Variants in PTPRT observed in about 807,000 individuals in gnomAD.
PTPRT encodes the protein receptor-type tyrosine-protein phosphatase T.
Under a neutral mutation model 176.8 loss-of-function variants are expected in PTPRT, and 56 were observed. The ratio of observed to expected loss-of-function variants is 0.32; its 90% CI spans 0.26 to 0.40. The LOEUF is 0.40. Ranked by LOEUF, PTPRT falls within the 10% of genes least tolerant of loss-of-function variation. The probability of loss-of-function intolerance (pLI) is 1.00; values close to 1 mark genes in which losing one functional copy is unlikely to be tolerated. For missense variants in PTPRT, 1,540 were observed against 1,908.2 expected (o/e 0.81, Z 3.60); for synonymous variants, 783 against 739.0 (o/e 1.06, Z -0.96).
chr20:42,263,440 G>A (rs2146971341), intron 13 of PTPRT, among the ~76,000 whole-genome samples: 1 of 141,880 alleles, frequency 7.0e-6, no homozygotes, highest in African/African-American at 2.7e-5. Context: ...CAGTGCAGTG[G>A]CATGATCTCG....
At chr20:42,330,283 C>A (rs181136906) in intron 11 of PTPRT, among the ~76,000 whole-genome samples, 1 of 151,988 alleles carries the variant, frequency 6.6e-6, no homozygotes, top group African/African-American at 2.4e-5. Context: ...CTAGCCTCGC[C>A]AACATCGTGA....
At chr20:42,801,142 G>A (rs958661398) in intron 2 of PTPRT, among the ~76,000 whole-genome samples, 5 of 152,260 alleles carry the variant, frequency 3.3e-5, no homozygotes, top group Admixed American at 6.5e-5. Context: ...GCCTGCCCTG[G>A]GGATACTAGG....
chr20:42,112,399 A>T (rs1163580176), intron 22 of PTPRT, among the ~76,000 whole-genome samples: 8 of 152,172 alleles, frequency 5.3e-5, no homozygotes. Flanking sequence ...TCCTTCAGTG[A>T]CTGACTGATA....
Position 42,741,448 on chromosome 20 carries a change from G to T in PTPRT, c.859+15014C>A, listed in dbSNP as rs185273562. 3.6e-3 allele frequency among the ~76,000 whole-genome samples: 541 copies of T among 152,046 alleles called. 4 individuals carry two copies. Among genetic ancestry groups the T allele is most frequent in the African/African-American group, 0.012 (517 of 41,482 alleles). On this transcript the variant is annotated intron_variant, in intron 6 of 30. Coordinates refer to ENST00000373187, the MANE Select transcript of PTPRT (RefSeq NM_007050.6). Reference sequence around the variant, plus strand: ...CAACCTCTGGCTCTTAGGTTCAAGCGATTCTCCTGCCTCAGTATCCCGAGT... The same window carrying T: ...CAACCTCTGGCTCTTAGGTTCAAGCTATTCTCCTGCCTCAGTATCCCGAGT...
chr20:42,184,595 C>T (rs56117054), intron 16 of PTPRT, among the ~76,000 whole-genome samples: 4,078 of 26,408 alleles, frequency 0.15, 103 homozygotes, highest in African/African-American at 0.24. Flanking sequence ...CTTCTTCTTC[C>T]TCTTCTTCTT....
In PTPRT at chr20:43,098,451, A is replaced by G. The variant is rs141268411; in HGVS notation, c.88+91195T>C. Among the ~76,000 whole-genome samples, 339 of 152,252 alleles carry G rather than the reference A, an allele frequency of 2.2e-3. 4 individuals are homozygous for G. Among genetic ancestry groups the G allele is most frequent in the African/African-American group, 7.7e-3 (319 of 41,536 alleles). On this transcript the variant is annotated intron_variant, in intron 1 of 30. Coordinates refer to ENST00000373187, the MANE Select transcript of PTPRT (RefSeq NM_007050.6). ...AACAGAGTACGTAGAATATTACCCA[A>G]TCCCCTAAGAGTGCCAGGTAACTAA...
chr20:42,501,079 C>G (rs1055371591), intron 7 of PTPRT, among the ~76,000 whole-genome samples: 7 of 152,138 alleles, frequency 4.6e-5, no homozygotes, highest in Non-Finnish European at 7.4e-5. Context: ...ATATTACCAG[C>G]CCTCAGAAGC....
chr20:42,759,262 T>C (rs893264907), intron 5 of PTPRT, among the ~76,000 whole-genome samples: 1 of 152,260 alleles, frequency 6.6e-6, no homozygotes, highest in African/African-American at 2.4e-5. Flanking sequence ...ATTTTTTCTT[T>C]ATTAAGCTAA....
At chr20:42,567,072 G>C (rs2145671648) in intron 7 of PTPRT, among the ~76,000 whole-genome samples, 1 of 152,208 alleles carries the variant, frequency 6.6e-6, no homozygotes, top group Admixed American at 6.5e-5. Context: ...AGGAGTTCGA[G>C]ACCAGCCTGG....
At chr20:42,769,237 T>A (rs1289064520) in intron 5 of PTPRT, among the ~76,000 whole-genome samples, 2 of 152,166 alleles carry the variant, frequency 1.3e-5, no homozygotes, top group East Asian at 3.8e-4. Context: ...GAACTGTTGG[T>A]CCCTAGATGG....
chr20:42,314,526 C>CAAAAAAAAAAAA (rs386393782), intron 12 of PTPRT, among the ~76,000 whole-genome samples: 2 of 102,306 alleles, frequency 2.0e-5, no homozygotes, highest in Non-Finnish European at 4.0e-5. Context: ...GAGACTGTGT[C>CAAAAAAAAAAAA]AAAAAAAAAA....
chr20:43,058,541 T>C (rs1047641880), intron 1 of PTPRT, among the ~76,000 whole-genome samples: 35 of 152,318 alleles, frequency 2.3e-4, no homozygotes, highest in East Asian at 7.7e-4. Flanking sequence ...CCCCACACCA[T>C]AGGCCCAGGC....
At chr20:42,932,302 C>A (rs1357679638) in intron 1 of PTPRT, among the ~76,000 whole-genome samples, 4 of 152,240 alleles carry the variant, frequency 2.6e-5, no homozygotes, top group African/African-American at 9.6e-5. Context: ...GACATCACTT[C>A]TCAAGGGGGC....
rs559372967 is a variant in PTPRT, at chr20:42,580,147, C to T, written c.1153+97719G>A. Reference sequence around the variant, plus strand: ...GGCTAGCCAGTTTTCCCAGCACCATCTATTAAATAGGGAATCCTTTCCCCA... The same window carrying T: ...GGCTAGCCAGTTTTCCCAGCACCATTTATTAAATAGGGAATCCTTTCCCCA... On this transcript the variant is annotated intron_variant, in intron 7 of 30. Coordinates refer to ENST00000373187, the MANE Select transcript of PTPRT (RefSeq NM_007050.6). Among the ~76,000 whole-genome samples, 64 of 152,164 alleles carry T rather than the reference C, an allele frequency of 4.2e-4. 1 individual carries two copies. The highest frequency in any genetic ancestry group is 1.7e-3 in the South Asian group (8 of 4,824).
intron 1 of PTPRT, among the ~76,000 whole-genome samples, chr20:42,948,380 C>T (rs1568695101): frequency 6.6e-6 from 1 of 152,162 alleles, no homozygotes; most frequent in Non-Finnish European, 1.5e-5. Flanking sequence ...TCCAGCCTGC[C>T]CCAGGTATGG....
chr20:42,884,034 G>A (rs1363520052), intron 2 of PTPRT, among the ~76,000 whole-genome samples: 1 of 151,932 alleles, frequency 6.6e-6, no homozygotes, highest in Non-Finnish European at 1.5e-5. Context: ...CTATCAAGGA[G>A]GGCCATGAAG....
At chr20:42,999,607 G>GT (rs758925660) in intron 1 of PTPRT, among the ~76,000 whole-genome samples, 106 of 139,414 alleles carry the variant, frequency 7.6e-4, no homozygotes, top group Non-Finnish European at 9.2e-4. Flanking sequence ...AAAACTTGTG[G>GT]TTTTTTTTTT....
intron 1 of PTPRT, among the ~76,000 whole-genome samples, chr20:42,936,446 C>T (rs1050460786): frequency 3.3e-5 from 5 of 152,136 alleles, no homozygotes; most frequent in Non-Finnish European, 7.3e-5. Context: ...GGGCATATCA[C>T]GGAAAGCCTC....
intron 17 of PTPRT, among the ~76,000 whole-genome samples, chr20:42,157,623 T>TCC (rs201059207): frequency 2.0e-5 from 3 of 150,476 alleles, no homozygotes; most frequent in Admixed American, 2.0e-4. Flanking sequence ...TGGGATTTTC[T>TCC]TCCCCCCCCA....
Sources: allele counts gnomAD v4.1 joint callset (sites outside exome capture counted in the v4.1 genomes callset), GRCh38; gene constraint gnomAD v4.1.1; transcripts MANE v1.5; gene names NCBI Gene and HGNC (gene_info 2026-07-23, HGNC 2026-07-21).